Variants in GOLPH3L observed in about 807,000 individuals in gnomAD.
The protein encoded by GOLPH3L is Golgi phosphoprotein 3-like.
A neutral mutation model predicts 30.3 loss-of-function variants in GOLPH3L; 22 were observed. That is an observed-to-expected ratio of 0.73 (90% CI 0.52 to 1.04). The LOEUF (loss-of-function observed/expected upper bound fraction) is 1.04. Ranked by LOEUF, GOLPH3L falls within the 50% of genes least tolerant of loss-of-function variation. The pLI, the probability that GOLPH3L is intolerant of heterozygous loss-of-function variation, is 0.00. For missense variants in GOLPH3L, 303 were observed against 345.8 expected (o/e 0.88, Z 0.98); for synonymous variants, 120 against 128.2 (o/e 0.94, Z 0.43).
At position 150,647,780 on chromosome 1, in the gene GOLPH3L, A is replaced by C. The variant is rs950579534; in HGVS notation, c.*541T>G. 2 of 152,816 alleles carry C rather than the reference A, an allele frequency of 1.3e-5. No homozygotes were observed. The highest frequency in any genetic ancestry group is 4.8e-5 in the African/African-American group (2 of 41,464). The allele number at this position is 152,816 out of a possible 1,614,324, so 9.5% of individuals were successfully genotyped here. On this transcript the variant is annotated 3_prime_UTR_variant, in exon 5 of 5. Transcript: ENST00000271732. ...TTAGAAAAGGAAAGATGAGAAAATC[A>C]CTAGCAGGATATGCAATTCCAGAGA...
intron 4 of GOLPH3L, among the ~76,000 whole-genome samples, chr1:150,654,543 A>C (rs1266946995): frequency 1.3e-5 from 2 of 152,244 alleles, no homozygotes; most frequent in African/African-American, 4.8e-5. Flanking sequence ...AACGAAAAAC[A>C]AATTTGAAGA....
At chr1:150,653,848 C>T (rs1650181007) in intron 4 of GOLPH3L, among the ~76,000 whole-genome samples, 1 of 151,688 alleles carries the variant, frequency 6.6e-6, no homozygotes, top group Non-Finnish European at 1.5e-5. Flanking sequence ...CTGCAACCTC[C>T]ACCTCCCAGG....
At chr1:150,657,662 T>C (rs915409308) in intron 4 of GOLPH3L, among the ~76,000 whole-genome samples, 1 of 152,160 alleles carries the variant, frequency 6.6e-6, no homozygotes, top group Non-Finnish European at 1.5e-5. Context: ...TTAAAACAGA[T>C]AATGCCCCAG....
intron 2 of GOLPH3L, among the ~76,000 whole-genome samples, chr1:150,683,699 CAAA>C (rs397981524): frequency 6.7e-4 from 10 of 14,958 alleles, no homozygotes; most frequent in African/African-American, 2.0e-3. Flanking sequence ...GACTCTCTCT[CAAA>C]AAAAAAAAAA....
intron 2 of GOLPH3L, among the ~76,000 whole-genome samples, chr1:150,683,856 C>T (rs1267997263): frequency 6.6e-6 from 1 of 151,682 alleles, no homozygotes; most frequent in African/African-American, 2.4e-5. Flanking sequence ...AATAAATATG[C>T]AATTATCTTC....
chr1:150,688,570 G>C (rs959813936), intron 2 of GOLPH3L, among the ~76,000 whole-genome samples: 49 of 152,242 alleles, frequency 3.2e-4, no homozygotes, highest in Non-Finnish European at 5.6e-4. Flanking sequence ...TGGCCAACAT[G>C]GTGAAACCCC....
rs767879534 is a variant in GOLPH3L at position 150,661,923 on chromosome 1, C to G, written c.321G>C (p.Leu107=). ...RKKRLLDRKV[L]LKSDSPTGDV... is the part of the protein sequence containing the mutation. ...CACCTGTTGGGCTGTCTGACTTTAG[C>G]AGTACCTTTGAGAAAAGGAGAAAGA... Residue 107 remains leucine (L), a synonymous_variant, in exon 4 of 5, where the codon CTG becomes CTC. Transcript: ENST00000271732. The G allele has an allele frequency of 4.1e-6, 6 of 1,471,552 alleles. No individual in the cohort carries two copies. Among genetic ancestry groups the G allele is most frequent in the Admixed American group, 1.7e-5 (1 of 59,806 alleles). The allele number at this position is 1,471,552 out of a possible 1,614,324, so 91.2% of individuals were successfully genotyped here.
chr1:150,680,514 G>T (rs1458088366), intron 2 of GOLPH3L, among the ~76,000 whole-genome samples: 1 of 152,098 alleles, frequency 6.6e-6, no homozygotes, highest in Non-Finnish European at 1.5e-5. Context: ...AGAATACTAG[G>T]TTAGGCTCTC....
At chr1:150,664,320 A>G (rs2101791326) in intron 2 of GOLPH3L, among the ~76,000 whole-genome samples, 1 of 152,240 alleles carries the variant, frequency 6.6e-6, no homozygotes, top group Admixed American at 6.5e-5. Flanking sequence ...GCAAAATTTT[A>G]ATTTTTGAGG....
intron 2 of GOLPH3L, among the ~76,000 whole-genome samples, chr1:150,682,951 TG>T (rs2101812398): frequency 6.6e-6 from 1 of 152,338 alleles, no homozygotes; most frequent in African/African-American, 2.4e-5. Flanking sequence ...AGCATTTTTT[TG>T]GTACCTTTCT....
chr1:150,681,084 C>A (rs985696864), intron 2 of GOLPH3L, among the ~76,000 whole-genome samples: 2 of 152,158 alleles, frequency 1.3e-5, no homozygotes, highest in African/African-American at 2.4e-5. Flanking sequence ...ATGTAGTGAG[C>A]TGAGATCGCA....
chr1:150,694,980 G>T, intron 1 of GOLPH3L, 130 bp from the exon 2 acceptor site: 1 of 606,922 alleles, frequency 1.6e-6, no homozygotes, highest in Non-Finnish European at 2.8e-6. Flanking sequence ...AGAAAGGAAG[G>T]AGTAATGACC....
chr1:150,650,804 C>G (rs998530578), intron 4 of GOLPH3L, among the ~76,000 whole-genome samples: 15 of 152,226 alleles, frequency 9.9e-5, no homozygotes, highest in South Asian at 4.1e-4. Context: ...TCTAAAATGT[C>G]CAGTTTTTGA....
chr1:150,696,496 T>C (rs958499747), intron 1 of GOLPH3L, among the ~76,000 whole-genome samples: 3 of 152,228 alleles, frequency 2.0e-5, no homozygotes, highest in Non-Finnish European at 4.4e-5. Flanking sequence ...ATATTCTCCA[T>C]AGCAACTAGC....
intron 2 of GOLPH3L, among the ~76,000 whole-genome samples, chr1:150,689,558 T>G (rs1195671669): frequency 1.3e-5 from 2 of 152,210 alleles, no homozygotes; most frequent in Non-Finnish European, 2.9e-5. Context: ...AGTATCTAAT[T>G]TTAACTGTGC....
chr1:150,686,740 T>C (rs74834845), intron 2 of GOLPH3L, among the ~76,000 whole-genome samples: 2 of 152,320 alleles, frequency 1.3e-5, no homozygotes, highest in East Asian at 3.9e-4. Context: ...GGCAGCTTTG[T>C]CTCAATATCA....
chr1:150,674,262 A>ATTT (rs150744411), intron 2 of GOLPH3L, among the ~76,000 whole-genome samples: 1 of 145,502 alleles, frequency 6.9e-6, no homozygotes, highest in Admixed American at 6.9e-5. Context: ...GAGTGGGAGA[A>ATTT]TTTTTTTTTT....
intron 2 of GOLPH3L, among the ~76,000 whole-genome samples, chr1:150,687,088 AAGACCAGGTAGTAACTTAAATT>A (rs1394508036): frequency 1.3e-4 from 20 of 152,202 alleles, no homozygotes; most frequent in Non-Finnish European, 2.5e-4. Context: ...ACTAAAAGGA[AAGACCAGGTAGTAACTTAAATT>A]AGACTTTTAA....
intron 2 of GOLPH3L, among the ~76,000 whole-genome samples, chr1:150,683,699 CAAAAAAAAAA>C (rs397981524): frequency 7.1e-3 from 106 of 14,948 alleles, no homozygotes; most frequent in East Asian, 0.024. Context: ...GACTCTCTCT[CAAAAAAAAAA>C]AAAAAAAAAA....
Sources: gnomAD v4.1 joint callset for allele counts (sites outside exome capture counted in the v4.1 genomes callset) on GRCh38, gnomAD v4.1.1 for gene constraint, MANE v1.5 for transcripts, NCBI Gene and HGNC (gene_info 2026-07-23, HGNC 2026-07-21) for gene names.